The following HS6ST3 variants were observed in gnomAD, a reference collection of about 807,000 sequenced individuals.
HS6ST3 encodes the protein heparan-sulfate 6-O-sulfotransferase 3.
In HS6ST3, 12 loss-of-function variants were observed where a neutral mutation model predicts 36.7. The observed-to-expected ratio is 0.33, with a 90% CI of 0.21 to 0.53. HS6ST3 has a LOEUF of 0.53. Among genes scored for constraint, HS6ST3 ranks in the 20% least tolerant of loss-of-function variants. The probability of loss-of-function intolerance (pLI) is 0.95; values close to 1 mark genes in which losing one functional copy is unlikely to be tolerated. For synonymous variants in HS6ST3, 240 were observed against 257.5 expected, an observed-to-expected ratio of 0.93 and a Z score of 0.65; for missense variants, 584 against 640.9, an observed-to-expected ratio of 0.91 and a Z score of 0.96.
At chr13:96,384,945 A>G (rs1432964573) in intron 1 of HS6ST3, among the ~76,000 whole-genome samples, 1 of 152,102 alleles carries the variant, frequency 6.6e-6, no homozygotes, top group Non-Finnish European at 1.5e-5. Flanking sequence ...TTTGGGAGGC[A>G]GAGGCAGGCG....
At chr13:96,290,710 C>G (rs924497483) in intron 1 of HS6ST3, among the ~76,000 whole-genome samples, 2 of 152,200 alleles carry the variant, frequency 1.3e-5, no homozygotes, top group Non-Finnish European at 2.9e-5. Context: ...ATGGAAGTCA[C>G]AGCACTTCAT....
chr13:96,721,794 C>T (rs1383451277), intron 1 of HS6ST3, among the ~76,000 whole-genome samples: 1 of 152,034 alleles, frequency 6.6e-6, no homozygotes, highest in Non-Finnish European at 1.5e-5. Flanking sequence ...TGGAGCCAAG[C>T]TCATTAAAAT....
chr13:96,116,405 C>T (rs1371944836), intron 1 of HS6ST3, among the ~76,000 whole-genome samples: 4 of 152,118 alleles, frequency 2.6e-5, no homozygotes, highest in Admixed American at 6.5e-5. Flanking sequence ...AGGGAATATG[C>T]TGGTGATGAT....
chr13:96,211,800 A>G (rs1407636929), intron 1 of HS6ST3, among the ~76,000 whole-genome samples: 1 of 152,220 alleles, frequency 6.6e-6, no homozygotes, highest in Non-Finnish European at 1.5e-5. Context: ...AAATGTCTAC[A>G]CATTACAATG....
intron 1 of HS6ST3, among the ~76,000 whole-genome samples, chr13:96,711,038 C>T (rs920800264): frequency 1.3e-5 from 2 of 152,212 alleles, no homozygotes; most frequent in Non-Finnish European, 2.9e-5. Flanking sequence ...CTTTGTCCTA[C>T]GTCTTCTTTT....
At chr13:96,183,267 T>C (rs1344249839) in intron 1 of HS6ST3, among the ~76,000 whole-genome samples, 1 of 152,180 alleles carries the variant, frequency 6.6e-6, no homozygotes, top group Admixed American at 6.5e-5. Flanking sequence ...GAGGTATACC[T>C]TCATGTTTGG....
At chr13:96,301,207 C>G (rs1057145176) in intron 1 of HS6ST3, among the ~76,000 whole-genome samples, 3 of 152,150 alleles carry the variant, frequency 2.0e-5, no homozygotes, top group Non-Finnish European at 4.4e-5. Flanking sequence ...TAATCCTCCT[C>G]CTATATACAG....
intron 1 of HS6ST3, among the ~76,000 whole-genome samples, chr13:96,746,931 T>G (rs1044605096): frequency 1.2e-4 from 19 of 152,204 alleles, no homozygotes; most frequent in Non-Finnish European, 2.5e-4. Flanking sequence ...ATGGTACTAA[T>G]AGATATTTTT....
intron 1 of HS6ST3, among the ~76,000 whole-genome samples, chr13:96,549,299 T>C (rs999075590): frequency 6.6e-6 from 1 of 152,116 alleles, no homozygotes; most frequent in African/African-American, 2.4e-5. Flanking sequence ...GATCCATGAT[T>C]TATGTGTGGT....
At chr13:96,793,269 T>C (rs1202290189) in intron 1 of HS6ST3, among the ~76,000 whole-genome samples, 1 of 152,036 alleles carries the variant, frequency 6.6e-6, no homozygotes, top group Non-Finnish European at 1.5e-5. Flanking sequence ...ATCACCACTT[T>C]GCAAGGGCTA....
At chr13:96,574,495 C>A in intron 1 of HS6ST3, 1 of 433,490 alleles carries the variant, frequency 2.3e-6, no homozygotes, top group South Asian at 3.1e-5. Flanking sequence ...CCCCTACAAT[C>A]ATTACTCCTG....
chr13:96,500,329 C>T (rs113087087), intron 1 of HS6ST3, among the ~76,000 whole-genome samples: 3,414 of 152,194 alleles, frequency 0.022, 139 homozygotes, highest in African/African-American at 0.078. Flanking sequence ...ATTCATTCAT[C>T]GGTGGTTGAA....
chr13:96,584,292 T>C (rs2056352875), intron 1 of HS6ST3, among the ~76,000 whole-genome samples: 1 of 152,074 alleles, frequency 6.6e-6, no homozygotes, highest in Non-Finnish European at 1.5e-5. Context: ...TACAGTCATG[T>C]GCCACCACCC....
chr13:96,709,822 T>C (rs1336259196), intron 1 of HS6ST3, among the ~76,000 whole-genome samples: 1 of 152,168 alleles, frequency 6.6e-6, no homozygotes, highest in Non-Finnish European at 1.5e-5. Context: ...GTCAAATAGA[T>C]TGCTCAAGGT....
chr13:96,599,307 C>A (rs2056413060), intron 1 of HS6ST3, among the ~76,000 whole-genome samples: 1 of 151,984 alleles, frequency 6.6e-6, no homozygotes, highest in Admixed American at 6.6e-5. Context: ...ATTACTTATT[C>A]ATTCTCACTG....
At chr13:96,614,294 T>C (rs565000969) in intron 1 of HS6ST3, among the ~76,000 whole-genome samples, 1 of 48,048 alleles carries the variant, frequency 2.1e-5, no homozygotes, top group Admixed American at 3.7e-4. Context: ...CAAGGATCCA[T>C]CTCAAAAAAA....
chr13:96,758,063 C>G (rs1876876998), intron 1 of HS6ST3, among the ~76,000 whole-genome samples: 1 of 151,966 alleles, frequency 6.6e-6, no homozygotes, highest in African/African-American at 2.4e-5. Flanking sequence ...CTACCTGAGA[C>G]AGAAGTTTTC....
intron 1 of HS6ST3, among the ~76,000 whole-genome samples, chr13:96,204,056 T>C (rs181896616): frequency 7.9e-5 from 12 of 152,326 alleles, no homozygotes; most frequent in Admixed American, 4.6e-4. Flanking sequence ...TATGTGACTA[T>C]TAAAAGATTA....
At chr13:96,769,048 A>G (rs141579565) in intron 1 of HS6ST3, among the ~76,000 whole-genome samples, 11 of 152,214 alleles carry the variant, frequency 7.2e-5, no homozygotes, top group African/African-American at 2.4e-4. Flanking sequence ...CCCTTGCTGA[A>G]TGGCCCACAT....
Sources: gnomAD v4.1 joint callset for allele counts (sites outside exome capture counted in the v4.1 genomes callset) on GRCh38, gnomAD v4.1.1 for gene constraint, MANE v1.5 for transcripts, NCBI Gene and HGNC (gene_info 2026-07-23, HGNC 2026-07-21) for gene names.